The following HPSE2 variants were observed in gnomAD, a reference collection of about 807,000 sequenced individuals.
HPSE2 encodes inactive heparanase-2.
A neutral mutation model predicts 60.5 loss-of-function variants in HPSE2; 38 were observed. The ratio of observed to expected loss-of-function variants is 0.63; its 90% CI spans 0.48 to 0.82. The LOEUF is 0.82. Among genes scored for constraint, HPSE2 ranks in the 40% least tolerant of loss-of-function variants. The pLI is 0.00. For synonymous variants in HPSE2, 295 were observed against 293.2 expected (o/e 1.01, Z -0.06); for missense variants, 713 against 740.4 (o/e 0.96, Z 0.43).
chr10:98,862,209 C>A (rs1331646232), intron 3 of HPSE2, among the ~76,000 whole-genome samples: 1 of 152,056 alleles, frequency 6.6e-6, no homozygotes, highest in Non-Finnish European at 1.5e-5. Flanking sequence ...GAATCAGGCA[C>A]ACAGCATGAG....
chr10:98,678,448 TG>T (rs1178160080), intron 6 of HPSE2, among the ~76,000 whole-genome samples: 2 of 152,158 alleles, frequency 1.3e-5, no homozygotes, highest in East Asian at 1.9e-4. Context: ...CCGAAGTTTA[TG>T]GGGCCTGAAA....
chr10:98,986,241 A>C (rs554086185), intron 3 of HPSE2, among the ~76,000 whole-genome samples: 1 of 152,310 alleles, frequency 6.6e-6, no homozygotes, highest in South Asian at 2.1e-4. Context: ...CATAGTTGGA[A>C]GTAAAGCACT....
chr10:98,703,407 A>G (rs1192772892), intron 5 of HPSE2, among the ~76,000 whole-genome samples: 2 of 152,190 alleles, frequency 1.3e-5, no homozygotes, highest in Non-Finnish European at 2.9e-5. Context: ...ATTGAAAAGG[A>G]GGGACTCCTC....
At chr10:98,686,275 A>G (rs953354498) in intron 6 of HPSE2, among the ~76,000 whole-genome samples, 1 of 152,226 alleles carries the variant, frequency 6.6e-6, no homozygotes, top group Non-Finnish European at 1.5e-5. Flanking sequence ...TCACATAAGC[A>G]TATTAGACTA....
chr10:99,210,046 A>C (rs1027941535), intron 2 of HPSE2, among the ~76,000 whole-genome samples: 4 of 152,352 alleles, frequency 2.6e-5, no homozygotes, highest in African/African-American at 9.6e-5. Context: ...TTAAGAAAAA[A>C]GAGAAAAAAC....
At chr10:98,625,091 C>T (rs1453056202) in intron 7 of HPSE2, among the ~76,000 whole-genome samples, 2 of 152,250 alleles carry the variant, frequency 1.3e-5, no homozygotes, top group African/African-American at 2.4e-5. Flanking sequence ...AAGTGCTTCA[C>T]AGGAGACTGT....
chr10:98,934,905 CT>C (rs1954747531), intron 3 of HPSE2, among the ~76,000 whole-genome samples: 1 of 143,588 alleles, frequency 7.0e-6, no homozygotes, highest in Admixed American at 7.0e-5. Flanking sequence ...TTCTCCCCAT[CT>C]CTTTCAGGTA....
intron 3 of HPSE2, among the ~76,000 whole-genome samples, chr10:99,121,367 A>G (rs1053656883): frequency 2.0e-5 from 3 of 152,138 alleles, no homozygotes; most frequent in African/African-American, 7.2e-5. Flanking sequence ...TCGGTGATCA[A>G]ATAATCTGTA....
chr10:98,727,878 A>C (rs1251679683), intron 4 of HPSE2, among the ~76,000 whole-genome samples: 5 of 152,140 alleles, frequency 3.3e-5, no homozygotes, highest in Non-Finnish European at 7.4e-5. Flanking sequence ...TGGAGGCCAG[A>C]AGATGGTAGG....
At chr10:98,707,260 A>G (rs1250402524) in intron 5 of HPSE2, among the ~76,000 whole-genome samples, 1 of 152,240 alleles carries the variant, frequency 6.6e-6, no homozygotes. Flanking sequence ...CCTTCTGAAT[A>G]TGCCTCAAAT....
intron 3 of HPSE2, among the ~76,000 whole-genome samples, chr10:98,988,511 C>T (rs1220094342): frequency 6.6e-6 from 1 of 151,692 alleles, no homozygotes; most frequent in Non-Finnish European, 1.5e-5. Flanking sequence ...GGATTAAAGA[C>T]TTAAACATTA....
At chr10:99,194,911 T>C (rs1353401908) in intron 2 of HPSE2, among the ~76,000 whole-genome samples, 1 of 151,984 alleles carries the variant, frequency 6.6e-6, no homozygotes, top group East Asian at 1.9e-4. Flanking sequence ...ATTATCTTGA[T>C]ACCAAAACCA....
intron 3 of HPSE2, among the ~76,000 whole-genome samples, chr10:98,944,222 G>C (rs1955112151): frequency 6.6e-6 from 1 of 152,098 alleles, no homozygotes; most frequent in Non-Finnish European, 1.5e-5. Context: ...GATGGAAAAT[G>C]TATTAAGGGA....
the HPSE2 span, among the ~76,000 whole-genome samples, chr10:99,277,162 G>A: frequency 2.6e-5 from 4 of 152,186 alleles, no homozygotes; most frequent in African/African-American, 7.2e-5. Context: ...ATATCCCGTG[G>A]GGATATAAAT....
At chr10:99,260,393 C>T in the HPSE2 span, among the ~76,000 whole-genome samples, 1 of 152,162 alleles carries the variant, frequency 6.6e-6, no homozygotes, top group Non-Finnish European at 1.5e-5. Context: ...TCCTCGCCCT[C>T]GATTCATGAG....
chr10:98,721,956 G>T, intron 4 of HPSE2, 128 bp from the exon 5 acceptor site: 1 of 830,732 alleles, frequency 1.2e-6, no homozygotes, highest in Non-Finnish European at 1.9e-6. Flanking sequence ...AAGTGGGTGT[G>T]AATTATTTTA....
intron 3 of HPSE2, among the ~76,000 whole-genome samples, chr10:98,889,072 A>T (rs896007657): frequency 7.2e-5 from 11 of 152,136 alleles, no homozygotes; most frequent in African/African-American, 2.7e-4. Context: ...CAGATCAATC[A>T]CTTTCTCTTT....
intron 3 of HPSE2, among the ~76,000 whole-genome samples, chr10:98,920,811 G>C (rs57398812): frequency 2.0e-5 from 3 of 152,156 alleles, no homozygotes; most frequent in Admixed American, 2.0e-4. Context: ...ATCATAGTCT[G>C]CTCTTTGAGC....
chr10:98,720,540 G>A (rs1046159786), intron 5 of HPSE2, among the ~76,000 whole-genome samples: 1 of 151,938 alleles, frequency 6.6e-6, no homozygotes, highest in Non-Finnish European at 1.5e-5. Context: ...TGATGAAATT[G>A]TTCTGAAAAA....
Sources: gnomAD v4.1 joint callset for allele counts (sites outside exome capture counted in the v4.1 genomes callset) on GRCh38, gnomAD v4.1.1 for gene constraint, MANE v1.5 for transcripts, NCBI Gene and HGNC (gene_info 2026-07-23, HGNC 2026-07-21) for gene names.